Variants in TTC28 observed in about 807,000 individuals in gnomAD.
TTC28 encodes the protein tetratricopeptide repeat domain 28.
A neutral mutation model predicts 198.0 loss-of-function variants in TTC28; 61 were observed. That is an observed-to-expected ratio of 0.31 (90% CI 0.25 to 0.38). The LOEUF (loss-of-function observed/expected upper bound fraction) is 0.38, where lower values mean the gene tolerates loss of function less well. TTC28 is among the 10% of genes least tolerant of loss of function. TTC28 has a pLI of 1.00. For synonymous variants in TTC28, 1,171 were observed against 1,297.8 expected, an observed-to-expected ratio of 0.90 and a Z score of 2.10; for missense variants, 2,678 against 3,164.0, an observed-to-expected ratio of 0.85 and a Z score of 3.69.
At chr22:28,288,675 T>G (rs1245179608) in intron 5 of TTC28, among the ~76,000 whole-genome samples, 5 of 150,620 alleles carry the variant, frequency 3.3e-5, no homozygotes, top group African/African-American at 4.9e-5. Context: ...TAGCCAGGCG[T>G]TGTGGCGGGT....
chr22:28,563,674 T>C (rs992677524), intron 2 of TTC28, among the ~76,000 whole-genome samples: 3 of 152,238 alleles, frequency 2.0e-5, no homozygotes, highest in Admixed American at 6.5e-5. Context: ...TATGGAGAAA[T>C]TGGAACCCTT....
chr22:28,670,704 C>CATACATATATATATATATATAT (rs1555909582), intron 1 of TTC28, among the ~76,000 whole-genome samples: 8 of 128,604 alleles, frequency 6.2e-5, no homozygotes, highest in African/African-American at 2.3e-4. Context: ...GTCTTTAGGG[C>CATACATATATATATATATATAT]ATATATATAT....
chr22:28,071,757 A>G (rs1269512222), intron 12 of TTC28, among the ~76,000 whole-genome samples: 1 of 151,166 alleles, frequency 6.6e-6, no homozygotes, highest in Non-Finnish European at 1.5e-5. Flanking sequence ...GGAAAAAAAA[A>G]AAAAAAAAGA....
intron 12 of TTC28, among the ~76,000 whole-genome samples, chr22:28,042,122 A>G (rs982999912): frequency 2.0e-5 from 3 of 152,174 alleles, no homozygotes; most frequent in Non-Finnish European, 4.4e-5. Flanking sequence ...ATGCTTTTAC[A>G]CTGTTGGTGG....
intron 12 of TTC28, 95 bp from the exon 13 acceptor site, chr22:28,030,461 G>T: frequency 6.8e-7 from 1 of 1,463,170 alleles, no homozygotes. Flanking sequence ...GTCACCAAAC[G>T]AACCTCTAGT....
chr22:28,631,700 T>G (rs944220957), intron 1 of TTC28, among the ~76,000 whole-genome samples: 1 of 152,040 alleles, frequency 6.6e-6, no homozygotes, highest in African/African-American at 2.4e-5. Context: ...GATTTTTTTA[T>G]TATTTTGTAG....
intron 2 of TTC28, among the ~76,000 whole-genome samples, chr22:28,491,686 G>A (rs1359451106): frequency 1.3e-5 from 2 of 152,192 alleles, no homozygotes; most frequent in Non-Finnish European, 2.9e-5. Flanking sequence ...TTCAACCATT[G>A]TGGAAGTCGG....
At chr22:28,592,021 G>A (rs2050443381) in intron 2 of TTC28, among the ~76,000 whole-genome samples, 1 of 152,164 alleles carries the variant, frequency 6.6e-6, no homozygotes, top group Non-Finnish European at 1.5e-5. Context: ...GGGCCACCAA[G>A]TGGAAGGGTA....
chr22:28,168,988 C>G (rs1478337533), intron 5 of TTC28, among the ~76,000 whole-genome samples: 1 of 152,136 alleles, frequency 6.6e-6, no homozygotes, highest in Non-Finnish European at 1.5e-5. Flanking sequence ...AAAAAACAAA[C>G]AATCCCATCA....
intron 5 of TTC28, among the ~76,000 whole-genome samples, chr22:28,166,389 C>T (rs370661782): frequency 6.6e-6 from 1 of 152,154 alleles, no homozygotes; most frequent in Non-Finnish European, 1.5e-5. Context: ...CAGCACCACA[C>T]CACACCTATT....
Position 28,656,083 on chromosome 22 carries a change from A to G in TTC28, c.102+23539T>C, listed in dbSNP as rs534424423. On this transcript the variant is annotated intron_variant, in intron 1 of 22. Transcript: ENST00000397906. ...GAAAGGACGCAAAGATAACACAGAT[A>G]GCAACTGCAGGAAGCAGCTACCACC... Among the ~76,000 whole-genome samples, 11 of 152,364 alleles carry G rather than the reference A, an allele frequency of 7.2e-5. 1 individual carries two copies. In the South Asian group the frequency reaches 2.3e-3, roughly 32 times the overall value.
chr22:28,172,000 G>T (rs118143371), intron 5 of TTC28, among the ~76,000 whole-genome samples: 2 of 152,098 alleles, frequency 1.3e-5, no homozygotes, highest in East Asian at 3.9e-4. Context: ...CTCCTTTGCT[G>T]CAGGCCTAGA....
chr22:28,385,000 G>A (rs1378419874), intron 2 of TTC28, among the ~76,000 whole-genome samples: 1 of 151,594 alleles, frequency 6.6e-6, no homozygotes, highest in African/African-American at 2.4e-5. Flanking sequence ...AATTAGCTGG[G>A]CATGGTGGCA....
chr22:28,657,848 G>A (rs1371405221), intron 1 of TTC28, among the ~76,000 whole-genome samples: 1 of 151,778 alleles, frequency 6.6e-6, no homozygotes, highest in African/African-American at 2.4e-5. Flanking sequence ...CACTGCACTC[G>A]AACCTGGGCG....
intron 2 of TTC28, among the ~76,000 whole-genome samples, chr22:28,601,062 C>T (rs2050632255): frequency 6.6e-6 from 1 of 151,928 alleles, no homozygotes; most frequent in Non-Finnish European, 1.5e-5. Flanking sequence ...GGAAATTAAC[C>T]AACTCTTAAA....
chr22:28,445,060 A>G (rs1223493382), intron 2 of TTC28, among the ~76,000 whole-genome samples: 1 of 152,192 alleles, frequency 6.6e-6, no homozygotes, highest in Non-Finnish European at 1.5e-5. Flanking sequence ...TCCTTTCTCT[A>G]TCTACAACAC....
In TTC28 at chr22:28,297,827, C is replaced by G. The variant is rs777079059; in HGVS notation, c.555G>C (p.Gln185His). The G allele has an allele frequency of 7.1e-6, 11 of 1,551,436 alleles. No individual in the cohort carries two copies. The highest frequency in any genetic ancestry group is 9.6e-6 in the Non-Finnish European group (11 of 1,146,990). Reference sequence around the variant, plus strand: ...TCTTGTCCAGTTTCATTTTCTGAAGCTGCTGATAAGTGGGCTCGAGGGAGT... The same window carrying G: ...TCTTGTCCAGTTTCATTTTCTGAAGGTGCTGATAAGTGGGCTCGAGGGAGT... ...MRDSLEPTYQ[Q>H]LQKMKLDKSP... The change falls in exon 4 of 23, where the codon CAG becomes CAC. Residue 185 changes from glutamine to histidine, a missense_variant. By Grantham distance (24) the Gln-to-His change is conservative. Around this residue, in one of 8 missense-constraint regions of TTC28, gnomAD observed 176 missense variants for 197.9 expected, o/e 0.89. Transcript: ENST00000397906.
intron 3 of TTC28, among the ~76,000 whole-genome samples, chr22:28,301,503 G>C (rs2045025000): frequency 6.6e-6 from 1 of 152,278 alleles, no homozygotes; most frequent in Middle Eastern, 3.4e-3. Context: ...TAGGAATGTA[G>C]CAGAGGCTAA....
intron 2 of TTC28, among the ~76,000 whole-genome samples, chr22:28,398,563 T>TGA (rs1342514479): frequency 1.8e-4 from 28 of 152,192 alleles, no homozygotes; most frequent in Non-Finnish European, 1.5e-5. Context: ...TAAGGCATTA[T>TGA]TCATCTCTAA....
Sources: gnomAD v4.1 joint callset for allele counts (sites outside exome capture counted in the v4.1 genomes callset) on GRCh38, gnomAD v4.1.1 for gene constraint, gnomAD v4.1.1 regional missense constraint, MANE v1.5 for transcripts, NCBI Gene and HGNC (gene_info 2026-07-23, HGNC 2026-07-21) for gene names.